Variants in TRIM27 observed in about 807,000 individuals in gnomAD.
The protein encoded by TRIM27 is zinc finger protein RFP.
In TRIM27, 12 loss-of-function variants were observed where a neutral mutation model predicts 57.6. The observed-to-expected ratio is 0.21, with a 90% confidence interval of 0.13 to 0.34. The LOEUF is 0.34. Among genes scored for constraint, TRIM27 ranks in the 10% least tolerant of loss-of-function variants. TRIM27 has a pLI of 1.00. For missense variants in TRIM27, 403 were observed against 656.8 expected (o/e 0.61, Z 4.22); for synonymous variants, 266 against 259.0 (o/e 1.03, Z -0.26).
rs755554872 is a variant in TRIM27 at position 28,922,009 on chromosome 6, G to A, written c.421-22C>T. On this transcript the variant is annotated intron_variant, in intron 1 of 7. Transcript: ENST00000377199. ...GCTCCTGAGAAAAGCAAAACAGATG[G>A]GCAGTTCAAAATTAGGTAGACCTTA... 5 of 1,579,808 alleles carry A rather than the reference G, an allele frequency of 3.2e-6. No homozygotes were observed. In the South Asian group the frequency reaches 5.5e-5, roughly 17 times the overall value.
intron 1 of TRIM27, among the ~76,000 whole-genome samples, chr6:28,922,876 T>C (rs1774153329): frequency 6.6e-6 from 1 of 151,988 alleles, no homozygotes; most frequent in South Asian, 2.1e-4. Context: ...CCGATGGGAG[T>C]AAGAGTGTCT....
In TRIM27 at chr6:28,904,612, T is replaced by C; in HGVS notation, c.1000A>G (p.Asn334Asp). 6 of 1,603,074 alleles carry C rather than the reference T, an allele frequency of 3.7e-6. No homozygotes were observed. The highest frequency in any genetic ancestry group is 1.7e-6 in the Non-Finnish European group (2 of 1,179,926). ...TAACTGTACCGCACTTGCCGCAGAT[T>C]ATCAGAGAGGATCAGGCTGGGGTAG... ...TAYPSLILSD[N>D]LRQVRYSYLQ... is the part of the protein sequence containing the mutation. Residue 334 changes from asparagine to aspartate, a missense_variant, in exon 8 of 8, where the codon AAT (asparagine) becomes GAT (aspartate). Physicochemically the swap from Asn to Asp is conservative, Grantham distance 23 (BLOSUM62 1). Coordinates refer to ENST00000377199, the MANE Select transcript of TRIM27 (RefSeq NM_006510.5). The surrounding 1 kb of genome is among the most constrained non-coding windows in gnomAD (Gnocchi z 6.1).
chr6:28,910,152 A>G (rs1005421120), intron 4 of TRIM27, among the ~76,000 whole-genome samples: 3 of 150,102 alleles, frequency 2.0e-5, no homozygotes, highest in Admixed American at 1.3e-4. Flanking sequence ...AAACGAAGAA[A>G]AAAAGGTAAT....
At chr6:28,913,127 T>C (rs1051689700) in intron 3 of TRIM27, among the ~76,000 whole-genome samples, 1 of 151,824 alleles carries the variant, frequency 6.6e-6, no homozygotes, top group Non-Finnish European at 1.5e-5. Context: ...TGGTGGCGTA[T>C]GCCTGTAATC....
intron 3 of TRIM27, among the ~76,000 whole-genome samples, chr6:28,917,109 T>C (rs1773666513): frequency 9.0e-6 from 1 of 111,454 alleles, no homozygotes; most frequent in Non-Finnish European, 1.8e-5. Flanking sequence ...GTCACTGCAC[T>C]CCGACTGGGT....
rs369413705 is a variant in TRIM27 at position 28,920,241 on chromosome 6, C to T, written c.518G>A (p.Ser173Asn). The change falls in exon 3 of 8, where the codon AGC (serine) becomes AAC (asparagine). Residue 173 changes from serine to asparagine, a missense_variant and splice_region_variant. Transcript: ENST00000377199. ...QGEQARAELLSLTQMEREKIV... is the reference protein window; with the variant it reads ...QGEQARAELLNLTQMEREKIV... ...CTTCTCCCTCTCCATCTGGGTTAGG[C>T]TCTATGCAGACGACAGGGAAAGGCA... The T allele has an allele frequency of 4.0e-5, 64 of 1,596,652 alleles. No individual in the cohort carries two copies. The African/African-American group carries it at 7.9e-4, about 20-fold the overall frequency.
At chr6:28,906,938 G>T (rs1196378042) in intron 7 of TRIM27, 1 of 381,340 alleles carries the variant, frequency 2.6e-6, no homozygotes, top group Non-Finnish European at 4.8e-6. Flanking sequence ...GCAGAGCAGT[G>T]TACTAGTGTA....
chr6:28,923,520 G>A lies in TRIM27; in HGVS notation c.113C>T (p.Ala38Val). Residue 38 changes from alanine (A) to valine (V), a missense_variant, in exon 1 of 8, where the codon GCG (alanine) becomes GTG (valine). Transcript: ENST00000377199. Reference sequence around the variant, plus strand: ...CGTGCCCCAGCAGCGGGCGAGGCACGCGCAACAGATGTTATGGCCGCAGTC... The same window carrying A: ...CGTGCCCCAGCAGCGGGCGAGGCACACGCAACAGATGTTATGGCCGCAGTC... Reference protein sequence around the residue: ...MLDCGHNICCACLARCWGTAE... With the variant: ...MLDCGHNICCVCLARCWGTAE... 6.2e-7 allele frequency: 1 copy of A among 1,611,984 alleles called. No homozygotes were observed. Among genetic ancestry groups the A allele is most frequent in the South Asian group, 1.1e-5 (1 of 90,960 alleles).
chr6:28,920,435 A>G (rs1335318201), intron 2 of TRIM27, among the ~76,000 whole-genome samples, 193 bp from the exon 3 acceptor site: 1 of 152,150 alleles, frequency 6.6e-6, no homozygotes, highest in African/African-American at 2.4e-5. Context: ...GATTATTAAG[A>G]CATAGTCCCT....
In TRIM27 at chr6:28,920,070, CTG is replaced by C; in HGVS notation, c.687_688del (p.Ser230GlnfsTer29). ...CTCTTCTAGCTGAGCGATCAGGCTG[CTG>C]AGGTGGGAGATGTTGCAAGAGAACT... On this transcript the variant is annotated frameshift_variant, in exon 3 of 8. Transcript: ENST00000377199. LOFTEE classifies it high-confidence loss of function. 1.2e-6 allele frequency: 2 copies of C among 1,614,160 alleles called. No homozygotes were observed. The highest frequency in any genetic ancestry group is 1.7e-6 in the Non-Finnish European group (2 of 1,180,018).
intron 3 of TRIM27, among the ~76,000 whole-genome samples, chr6:28,918,086 A>G (rs3131101): frequency 0.052 from 7,865 of 152,118 alleles, 323 homozygotes; most frequent in Non-Finnish European, 0.09. Flanking sequence ...TCGGCCTCCC[A>G]AAGTGCTGGG....
At chr6:28,921,377 TA>T (rs559386159) in intron 2 of TRIM27, among the ~76,000 whole-genome samples, 58,641 of 142,622 alleles carry the variant, frequency 0.41, 12,981 homozygotes, top group African/African-American at 0.61. Context: ...GACCCTGTCT[TA>T]AAAAAAAAAA....
chr6:28,915,315 A>AG (rs1472716880), intron 3 of TRIM27: 2 of 150,782 alleles, frequency 1.3e-5, no homozygotes, highest in Non-Finnish European at 3.0e-5. Flanking sequence ...AAAAAAAAAA[A>AG]AAGAAGCTTT....
chr6:28,913,844 G>A (rs771643312), intron 3 of TRIM27, among the ~76,000 whole-genome samples: 2 of 151,630 alleles, frequency 1.3e-5, no homozygotes, highest in Non-Finnish European at 2.9e-5. Flanking sequence ...ACTTGTATTT[G>A]TGATATTTGT....
intron 6 of TRIM27, 185 bp downstream of exon 6, chr6:28,908,623 A>T: frequency 5.2e-6 from 3 of 581,262 alleles, no homozygotes; most frequent in Non-Finnish European, 9.1e-6. Context: ...TACAGTTAAC[A>T]AACTTCAAAT....
intron 2 of TRIM27, 51 bp downstream of exon 2, chr6:28,921,841 C>T (rs900732960): frequency 7.0e-7 from 1 of 1,437,532 alleles, no homozygotes; most frequent in Non-Finnish European, 9.8e-7. Flanking sequence ...ATCAGCTCTA[C>T]AGAAGAGGAG....
chr6:28,910,123 G>GAAAA (rs9278120), intron 4 of TRIM27, among the ~76,000 whole-genome samples: 38 of 97,598 alleles, frequency 3.9e-4, no homozygotes, highest in South Asian at 1.0e-3. Flanking sequence ...AAAGAAAAAT[G>GAAAA]AAAAAAAAAA....
At position 28,904,147 on chromosome 6, in the gene TRIM27, T is replaced by A; in HGVS notation, c.1465A>T (p.Ile489Phe). ...CCATCTATCCCACTCATGGGGCAGA[T>A]GATCAGAGGAGCTGCACTTTTCCCT... is the stretch of plus-strand genomic sequence containing the variant. Reference protein sequence around the residue: ...SGGKSAAPLIICPMSGIDGFS... With the variant: ...SGGKSAAPLIFCPMSGIDGFS... The change falls in exon 8 of 8, where the codon ATC becomes TTC. Residue 489 changes from isoleucine to phenylalanine, a missense_variant. Physicochemically the swap from Ile to Phe is conservative, Grantham distance 21. Coordinates refer to ENST00000377199, the MANE Select transcript of TRIM27 (RefSeq NM_006510.5). The surrounding 1 kb of genome is among the most constrained non-coding windows in gnomAD (Gnocchi z 6.1). The A allele has an allele frequency of 6.2e-7, 1 of 1,613,056 alleles. No homozygotes were observed. The highest frequency in any genetic ancestry group is 8.5e-7 in the Non-Finnish European group (1 of 1,180,020).
In TRIM27 at chr6:28,904,719, AAC is replaced by A; in HGVS notation, c.947-56_947-55del. ...CGTGGGCCAGGAGAGCCTATTTTAG[AAC>A]ACCCAGCGCCTTTCTACTACCTCCC... On this transcript the variant is annotated intron_variant, in intron 7 of 7. Transcript: ENST00000377199. This position sits in a 1 kb window ranked among gnomAD's most constrained non-coding sequence, Gnocchi z 6.1. The A allele has an allele frequency of 7.0e-7, 1 of 1,420,652 alleles. No individual in the cohort carries two copies. Among genetic ancestry groups the A allele is most frequent in the South Asian group, 1.3e-5 (1 of 78,680 alleles). 88.0% of individuals were successfully genotyped at this position (1,420,652 alleles called of 1,614,324 possible).
Sources: allele counts gnomAD v4.1 joint callset (sites outside exome capture counted in the v4.1 genomes callset), GRCh38; gene constraint gnomAD v4.1.1; non-coding constraint Gnocchi (gnomAD v3.1); transcripts MANE v1.5; gene names NCBI Gene and HGNC (gene_info 2026-07-23, HGNC 2026-07-21).